Variants in MTFR2 observed in about 807,000 individuals in gnomAD.
MTFR2 encodes DUF729 domain-containing protein 1.
In MTFR2, 44 loss-of-function variants were observed where a neutral mutation model predicts 41.2. The ratio of observed to expected loss-of-function variants is 1.07; its 90% confidence interval spans 0.84 to 1.37. The LOEUF (loss-of-function observed/expected upper bound fraction) is 1.37. Among genes scored for constraint, MTFR2 ranks in the 40% most tolerant of loss-of-function variants. The pLI is 0.00. For synonymous variants in MTFR2, 141 were observed against 154.6 expected (o/e 0.91, Z 0.65); for missense variants, 452 against 459.5 (o/e 0.98, Z 0.15).
chr6:136,243,501 G>A (rs950379541), intron 3 of MTFR2, among the ~76,000 whole-genome samples: 5 of 152,046 alleles, frequency 3.3e-5, no homozygotes, highest in Non-Finnish European at 5.9e-5. Flanking sequence ...AAGGCCAGGA[G>A]TTCAAGATCA....
At chr6:136,240,751 A>G (rs1309032731) in intron 5 of MTFR2, among the ~76,000 whole-genome samples, 2 of 152,184 alleles carry the variant, frequency 1.3e-5, no homozygotes, top group Non-Finnish European at 2.9e-5. Flanking sequence ...TTTCAAACCA[A>G]TGCATTCTTC....
At chr6:136,231,411 C>A in intron 7 of MTFR2, 23 bp from the exon 8 acceptor site, 1 of 1,410,368 alleles carries the variant, frequency 7.1e-7, no homozygotes, top group Non-Finnish European at 9.8e-7. Flanking sequence ...AAATATTTAA[C>A]ACAGAAATTA....
chr6:136,239,443 C>T, intron 6 of MTFR2, 23 bp downstream of exon 6: 1 of 1,523,718 alleles, frequency 6.6e-7, no homozygotes, highest in Non-Finnish European at 8.8e-7. Context: ...TTTCAGTTCA[C>T]TTTTCAAATT....
chr6:136,233,371 T>C lies in MTFR2; in HGVS notation c.998A>G (p.Asn333Ser), dbSNP rs1338142910. Residue 333 changes from asparagine to serine, a missense_variant, in exon 7 of 8, where the codon AAT (asparagine) becomes AGT (serine). Transcript: ENST00000420702. ...FQEDDSFEKE[N>S]RSWESSPFSS... ...AAATGGGGAAGATTCCCAAGATCTA[T>C]TCTCTTTCTCAAAAGAATCATCTTC... is the stretch of plus-strand genomic sequence containing the variant. The C allele has an allele frequency of 6.2e-7, 1 of 1,612,668 alleles. No individual in the cohort carries two copies. Among genetic ancestry groups the C allele is most frequent in the Non-Finnish European group, 8.5e-7 (1 of 1,179,132 alleles).
chr6:136,247,623 T>A (rs1205224217), intron 2 of MTFR2: 1 of 434,626 alleles, frequency 2.3e-6, no homozygotes, highest in African/African-American at 2.1e-5. Flanking sequence ...TCTCTCAATT[T>A]CTTTTCACAA....
At chr6:136,243,044 T>C in intron 3 of MTFR2, 71 bp from the exon 4 acceptor site, 1 of 894,306 alleles carries the variant, frequency 1.1e-6, no homozygotes, top group Admixed American at 2.8e-5. Context: ...CCCCATGGTA[T>C]TAAATTAGTT....
chr6:136,239,796 C>T lies in MTFR2; in HGVS notation c.539G>A (p.Arg180His), dbSNP rs781170588. 2.1e-5 allele frequency: 34 copies of T among 1,609,076 alleles called. No individual in the cohort carries two copies. Among genetic ancestry groups the T allele is most frequent in the South Asian group, 4.4e-5 (4 of 90,480 alleles). The change falls in exon 6 of 8, where the codon CGC becomes CAC. Residue 180 changes from arginine (R) to histidine (H), a missense_variant. Physicochemically the swap from Arg to His is conservative, Grantham distance 29. Coordinates refer to ENST00000420702, the MANE Select transcript of MTFR2 (RefSeq NM_001099286.3). ...TGATGACAGCTGACCCAAACTAATG[C>T]GCTCGTCACTCAAGCCAAAGGAACC... is the stretch of plus-strand genomic sequence containing the variant. ...NSSSFGLSDERISLGQLSSSR... is the reference protein window; with the variant it reads ...NSSSFGLSDEHISLGQLSSSR...
At chr6:136,238,678 C>CCACACACACACACACACACA (rs60002962) in intron 6 of MTFR2, among the ~76,000 whole-genome samples, 1 of 146,368 alleles carries the variant, frequency 6.8e-6, no homozygotes, top group Non-Finnish European at 1.5e-5. Context: ...TGTTTTTTCA[C>CCACACACACACACACACACA]CACACACACA....
intron 7 of MTFR2, among the ~76,000 whole-genome samples, chr6:136,231,669 TAAAAAAAAA>T (rs71006791): frequency 1.2e-5 from 1 of 82,944 alleles, no homozygotes; most frequent in African/African-American, 4.7e-5. Context: ...AAAAACTATG[TAAAAAAAAA>T]AAAAAAAAAA....
In MTFR2 at chr6:136,242,890, A is replaced by T; in HGVS notation, c.252T>A (p.Asn84Lys). The T allele has an allele frequency of 6.2e-7, 1 of 1,613,354 alleles. No individual in the cohort carries two copies. The highest frequency in any genetic ancestry group is 8.5e-7 in the Non-Finnish European group (1 of 1,179,820). ...PSFADILYVA[N>K]DEEASYLRFR... ...ATCTGAGATAACTGGCTTCTTCATC[A>T]TTTGCCACATACAAAATATCAGCAA... is the stretch of plus-strand genomic sequence containing the variant. Residue 84 changes from asparagine to lysine, a missense_variant, in exon 4 of 8, where the codon AAT (asparagine) becomes AAA (lysine). Asn to Lys is a moderately conservative substitution (Grantham distance 94). Transcript: ENST00000420702.
chr6:136,237,941 A>G (rs1379748827), intron 6 of MTFR2, among the ~76,000 whole-genome samples: 1 of 152,208 alleles, frequency 6.6e-6, no homozygotes, highest in Non-Finnish European at 1.5e-5. Context: ...GCATAGAAAA[A>G]AGGGGGCAAG....
intron 6 of MTFR2, among the ~76,000 whole-genome samples, chr6:136,235,768 C>T (rs1779888886): frequency 6.6e-6 from 1 of 152,158 alleles, no homozygotes; most frequent in Admixed American, 6.5e-5. Context: ...CCTATCTCTA[C>T]TAAAAATACA....
intron 4 of MTFR2, 73 bp downstream of exon 4, chr6:136,242,788 A>T: frequency 8.7e-7 from 1 of 1,153,048 alleles, no homozygotes. Context: ...AAGCTCAATC[A>T]ATCTTAACAA....
In MTFR2 at chr6:136,244,915, A is replaced by G. The variant is rs770988675; in HGVS notation, c.64-46T>C. ...GAATTAAAATGCACTCTGATTAAGC[A>G]TATTTATATAAGTATGAAAAAAGGA... On this transcript the variant is annotated intron_variant, in intron 2 of 7. Transcript: ENST00000420702. The G allele has an allele frequency of 2.9e-6, 4 of 1,364,172 alleles. No individual in the cohort carries two copies. In the South Asian group the frequency reaches 3.9e-5, roughly 13 times the overall value. 84.5% of individuals were successfully genotyped at this position (1,364,172 alleles called of 1,614,324 possible).
chr6:136,242,836 TC>T, intron 4 of MTFR2, 24 bp downstream of exon 4: 1 of 1,561,634 alleles, frequency 6.4e-7, no homozygotes, highest in Non-Finnish European at 8.8e-7. Flanking sequence ...ATAGCCCACT[TC>T]CCAAGATAAG....
intron 5 of MTFR2, 49 bp from the exon 6 acceptor site, chr6:136,239,869 G>A (rs751585503): frequency 1.3e-5 from 19 of 1,434,216 alleles, no homozygotes; most frequent in Admixed American, 4.6e-5. Context: ...TATCTCTAAC[G>A]TAATATATAT....
In MTFR2 at chr6:136,241,444, T is replaced by G; in HGVS notation, c.514A>C (p.Ser172Arg). ...MQELKNSTNS[S>R]SFGLSDERIS... Reference sequence around the variant, plus strand: ...AAACAAAAATCCTACTGTTACTTACTAGAATTTGTACTATTTTTCAGTTCC... The same window carrying G: ...AAACAAAAATCCTACTGTTACTTACGAGAATTTGTACTATTTTTCAGTTCC... The change falls in exon 5 of 8, where the codon AGT (serine) becomes CGT (arginine). Residue 172 changes from serine (S) to arginine (R), a missense_variant and splice_region_variant. Coordinates refer to ENST00000420702, the MANE Select transcript of MTFR2 (RefSeq NM_001099286.3). 1 of 1,609,020 alleles carries G rather than the reference T, an allele frequency of 6.2e-7. No individual in the cohort carries two copies. Among genetic ancestry groups the G allele is most frequent in the Non-Finnish European group, 8.5e-7 (1 of 1,176,758 alleles).
chr6:136,232,295 G>GC (rs1179940930), intron 7 of MTFR2, among the ~76,000 whole-genome samples: 5 of 151,534 alleles, frequency 3.3e-5, no homozygotes, highest in Non-Finnish European at 7.4e-5. Flanking sequence ...TAGCTCTGTC[G>GC]CCAGGCTGGA....
rs569602652 is a variant in MTFR2 at position 136,232,945 on chromosome 6, A to T, written c.1044+380T>A. On this transcript the variant is annotated intron_variant, in intron 7 of 7. Coordinates refer to ENST00000420702, the MANE Select transcript of MTFR2 (RefSeq NM_001099286.3). Reference sequence around the variant, plus strand: ...AAAGTCTGTATATTTGACAGAGAAAAATCTTGGCGTATTCACATTCCATAT... The same window carrying T: ...AAAGTCTGTATATTTGACAGAGAAATATCTTGGCGTATTCACATTCCATAT... 7.9e-5 allele frequency among the ~76,000 whole-genome samples: 12 copies of T among 152,266 alleles called. No individual in the cohort carries two copies. In the South Asian group the frequency reaches 2.3e-3, roughly 29 times the overall value.
Sources: allele counts gnomAD v4.1 joint callset (sites outside exome capture counted in the v4.1 genomes callset), GRCh38; gene constraint gnomAD v4.1.1; transcripts MANE v1.5; gene names NCBI Gene and HGNC (gene_info 2026-07-23, HGNC 2026-07-21).